Variants in C14orf39 observed in about 807,000 individuals in gnomAD.
The protein encoded by C14orf39 is chromosome 14 open reading frame 39.
Under a neutral mutation model 85.6 loss-of-function variants are expected in C14orf39, and 66 were observed. The observed-to-expected ratio is 0.77, with a 90% CI of 0.63 to 0.95. C14orf39 has a LOEUF of 0.95. C14orf39 is among the 40% of genes least tolerant of loss of function. The pLI is 0.00. For missense variants in C14orf39, 735 were observed against 663.9 expected, an observed-to-expected ratio of 1.11 and a Z score of -1.18; for synonymous variants, 242 against 214.0, an observed-to-expected ratio of 1.13 and a Z score of -1.14.
chr14:60,474,981 A>G (rs1041007953), intron 5 of C14orf39, among the ~76,000 whole-genome samples: 7 of 152,204 alleles, frequency 4.6e-5, no homozygotes, highest in African/African-American at 1.7e-4. Context: ...GAATGGTACC[A>G]GCTCCTCCTT....
At chr14:60,456,774 A>G (rs1891298073) in intron 15 of C14orf39, 143 bp downstream of exon 15, 2 of 633,182 alleles carry the variant, frequency 3.2e-6, no homozygotes. Context: ...GGTGTGTTAT[A>G]TTAGTCTTTC....
chr14:60,460,919 T>A (rs954916670), intron 13 of C14orf39, among the ~76,000 whole-genome samples: 1 of 151,610 alleles, frequency 6.6e-6, no homozygotes, highest in Non-Finnish European at 1.5e-5. Flanking sequence ...CATGAAAGAA[T>A]GACTAAGTAA....
intron 16 of C14orf39, among the ~76,000 whole-genome samples, chr14:60,445,670 A>G (rs1890731972): frequency 6.6e-6 from 1 of 152,234 alleles, no homozygotes; most frequent in Non-Finnish European, 1.5e-5. Context: ...GAAAGTTAAC[A>G]AGGATATCCA....
intron 13 of C14orf39, among the ~76,000 whole-genome samples, chr14:60,459,646 G>T (rs1891431315): frequency 6.6e-6 from 1 of 151,604 alleles, no homozygotes; most frequent in Non-Finnish European, 1.5e-5. Flanking sequence ...CTCCTACTTA[G>T]TATTGTCAGA....
chr14:60,447,919 A>C (rs1348818513), intron 16 of C14orf39, among the ~76,000 whole-genome samples: 1 of 152,182 alleles, frequency 6.6e-6, no homozygotes, highest in African/African-American at 2.4e-5. Flanking sequence ...TCTTTGACAA[A>C]CCTGACAAAA....
At chr14:60,502,983 T>C (rs1200038075) in intron 1 of C14orf39, among the ~76,000 whole-genome samples, 2 of 152,228 alleles carry the variant, frequency 1.3e-5, no homozygotes, top group Non-Finnish European at 2.9e-5. Context: ...GTAGTTGTAA[T>C]AGAAATGTTG....
At chr14:60,514,864 A>C (rs958498348) in intron 1 of C14orf39, among the ~76,000 whole-genome samples, 6 of 152,152 alleles carry the variant, frequency 3.9e-5, no homozygotes, top group Admixed American at 6.5e-5. Context: ...TGTGAGGCGG[A>C]GCCCGGGGGC....
At position 60,491,884 on chromosome 14, in the gene C14orf39, A is replaced by G. The variant is rs547179668; in HGVS notation, c.-8-6798T>C. On this transcript the variant is annotated intron_variant, in intron 2 of 5. Transcript: ENST00000556799. The surrounding 1 kb of genome is among the most constrained non-coding windows in gnomAD (Gnocchi z 4.5). ...TAAAGCATGTTAATGACTTCCTATC[A>G]TTCTAAGAATAAGGACAAAATACAT... 3.3e-5 allele frequency among the ~76,000 whole-genome samples: 5 copies of G among 152,090 alleles called. No homozygotes were observed. The highest frequency in any genetic ancestry group is 3.4e-3 in the Middle Eastern group (1 of 294).
chr14:60,437,617 T>A (rs892418098), intron 17 of C14orf39, among the ~76,000 whole-genome samples: 1 of 151,752 alleles, frequency 6.6e-6, no homozygotes, highest in African/African-American at 2.4e-5. Context: ...AACAGGAGAG[T>A]CTAGAAGTGG....
chr14:60,511,370 G>A (rs750848803), intron 1 of C14orf39: 1 of 1,252,922 alleles, frequency 8.0e-7, no homozygotes, highest in Non-Finnish European at 1.1e-6. Context: ...CAGGTGACCA[G>A]GGACCCGCGG....
chr14:60,507,900 A>T (rs1245956712), intron 1 of C14orf39, among the ~76,000 whole-genome samples: 1 of 152,070 alleles, frequency 6.6e-6, no homozygotes, highest in Admixed American at 6.5e-5. Flanking sequence ...ATTTTCTTCA[A>T]ACTAAACAAA....
Position 60,437,024 on chromosome 14 carries a change from CT to C in C14orf39, c.1584del (p.Gly529GlufsTer43), listed in dbSNP as rs1566650611. The C allele has an allele frequency of 6.2e-7, 1 of 1,606,608 alleles. No individual in the cohort carries two copies. Among genetic ancestry groups the C allele is most frequent in the Non-Finnish European group, 8.5e-7 (1 of 1,177,310 alleles). On this transcript the variant is annotated frameshift_variant, in exon 18 of 18. Coordinates refer to ENST00000321731, the MANE Select transcript of C14orf39 (RefSeq NM_174978.3). LOFTEE classifies it high-confidence loss of function. ...QEIGNLLEKP[E>X]GEDGFTFSFP... The stretch of plus-strand genomic sequence containing the variant: ...AAAGAAAATGTAAAGCCATCTTCTC[CT>C]TCTGGCTTCTCAAGTAAGTTTCCTA...
rs1891520434 is a variant in C14orf39 at position 60,461,389 on chromosome 14, G to T, written c.1082C>A (p.Ser361Ter). The change falls in exon 13 of 18, where the codon TCA (serine) becomes TAA (stop). Residue 361 changes from serine to a stop codon, truncating the protein, a stop_gained. Coordinates refer to ENST00000321731, the MANE Select transcript of C14orf39 (RefSeq NM_174978.3). LOFTEE classifies it high-confidence loss of function. Reference sequence around the variant, plus strand: ...TTTTTCCGACCACTGATTGGAATTTGATTGTTTCTGTGGGGTTAACAATCT... The same window carrying T: ...TTTTTCCGACCACTGATTGGAATTTTATTGTTTCTGTGGGGTTAACAATCT... ...QVRLLTPQKQ[S>*]NSNQWSEKGD... is the part of the protein sequence containing the mutation. The T allele has an allele frequency of 6.2e-7, 1 of 1,610,640 alleles. No individual in the cohort carries two copies. Among genetic ancestry groups the T allele is most frequent in the South Asian group, 1.1e-5 (1 of 90,648 alleles).
rs1306728265 is a variant in C14orf39 at position 60,483,754 on chromosome 14, G to T, written c.170C>A (p.Ala57Glu). ...GTAATGATCAATTTCCTCATCTGTT[G>T]CATTTATAGTTTCGTGTATCCTACA... ...TICRIHETIN[A>E]TDEEIDHYCK... The change falls in exon 4 of 18, where the codon GCA (alanine) becomes GAA (glutamate). Residue 57 changes from alanine (A) to glutamate (E), a missense_variant. Ala to Glu is a moderately radical substitution (Grantham distance 107, BLOSUM62 -1). Transcript: ENST00000321731. The T allele has an allele frequency of 6.3e-7, 1 of 1,582,844 alleles. No homozygotes were observed.
chr14:60,472,978 A>G (rs574730447), intron 5 of C14orf39, among the ~76,000 whole-genome samples: 11 of 152,316 alleles, frequency 7.2e-5, no homozygotes, highest in African/African-American at 2.4e-4. Flanking sequence ...AGGAATTGCC[A>G]CACTGACTTC....
chr14:60,439,577 G>A (rs1053486190), intron 17 of C14orf39, among the ~76,000 whole-genome samples: 1 of 152,150 alleles, frequency 6.6e-6, no homozygotes, highest in Non-Finnish European at 1.5e-5. Flanking sequence ...CATCAGGGAC[G>A]TCAGAAGGAG....
At position 60,511,216 on chromosome 14, in the gene C14orf39, C is replaced by T. The variant is rs758032582; in HGVS notation, c.-144+4179G>A. The T allele has an allele frequency of 2.0e-5, 33 of 1,613,234 alleles. No individual in the cohort carries two copies. In the Admixed American group the frequency reaches 5.3e-4, roughly 26 times the overall value. On this transcript the variant is annotated intron_variant, in intron 1 of 5. Transcript: ENST00000556799. The stretch of plus-strand genomic sequence containing the variant: ...CCAGCAAGGCGGCCACTTCAGCCAT[C>T]TCCATCACGTCCAGCGACAGCGAGT...
chr14:60,438,562 A>AT, intron 17 of C14orf39, among the ~76,000 whole-genome samples: 1 of 152,264 alleles, frequency 6.6e-6, no homozygotes, highest in African/African-American at 2.4e-5. Flanking sequence ...GCTATGGGGA[A>AT]TTCAAAGGTA....
chr14:60,482,068 C>A (rs1490625317), intron 4 of C14orf39, among the ~76,000 whole-genome samples: 1 of 152,164 alleles, frequency 6.6e-6, no homozygotes, highest in African/African-American at 2.4e-5. Flanking sequence ...ACATTTAAAT[C>A]TCATAACCAG....
Sources: allele counts gnomAD v4.1 joint callset (sites outside exome capture counted in the v4.1 genomes callset), GRCh38; gene constraint gnomAD v4.1.1; non-coding constraint Gnocchi (gnomAD v3.1); transcripts MANE v1.5; gene names NCBI Gene and HGNC (gene_info 2026-07-23, HGNC 2026-07-21).